Variants in LIX1L observed in about 807,000 individuals in gnomAD.
LIX1L encodes LIX1-like protein.
Under a neutral mutation model 34.0 loss-of-function variants are expected in LIX1L, and 20 were observed. That is an observed-to-expected ratio of 0.59 (90% CI 0.41 to 0.85). The LOEUF (loss-of-function observed/expected upper bound fraction) is 0.85. Among genes scored for constraint, LIX1L ranks in the 40% least tolerant of loss-of-function variants. LIX1L has a pLI of 0.00. For synonymous variants in LIX1L, 170 were observed against 187.4 expected (o/e 0.91, Z 0.76); for missense variants, 397 against 447.0 (o/e 0.89, Z 1.01).
At position 145,939,618 on chromosome 1, in the gene LIX1L, T is replaced by C. The variant is rs954652991; in HGVS notation, c.598-1919A>G. ...CTCAGCGCCCAGCCAGGAACCATAA[T>C]TGCTTTCTTTTTTCTTTTTCTTTTT... On this transcript the variant is annotated intron_variant, in intron 3 of 5. Coordinates refer to ENST00000604000, the MANE Select transcript of LIX1L (RefSeq NM_153713.3). Among the ~76,000 whole-genome samples, 91 of 151,536 alleles carry C rather than the reference T, an allele frequency of 6.0e-4. No homozygotes were observed. The Middle Eastern group carries it at 0.01, about 17-fold the overall frequency.
Position 145,936,300 on chromosome 1 carries a change from G to A in LIX1L, c.*10C>T, listed in dbSNP as rs2101891265. 2 of 1,613,394 alleles carry A rather than the reference G, an allele frequency of 1.2e-6. No individual in the cohort carries two copies. Among genetic ancestry groups the A allele is most frequent in the East Asian group, 4.5e-5 (2 of 44,880 alleles). On this transcript the variant is annotated 3_prime_UTR_variant, in exon 6 of 6. Transcript: ENST00000604000. The stretch of plus-strand genomic sequence containing the variant: ...CTGTGGAAAGCCTGGGGAGTTATGT[G>A]GGTGGATGCCTAGCAGTTGGAAGAA...
chr1:145,945,568 G>A (rs782336495), intron 2 of LIX1L, among the ~76,000 whole-genome samples: 60 of 151,488 alleles, frequency 4.0e-4, no homozygotes, highest in Non-Finnish European at 6.3e-4. Flanking sequence ...CCAACATGGC[G>A]AAACCCCATC....
chr1:145,957,641 C>T lies in LIX1L; in HGVS notation c.287G>A (p.Gly96Asp). The T allele has an allele frequency of 6.5e-7, 1 of 1,539,418 alleles. No individual in the cohort carries two copies. Among genetic ancestry groups the T allele is most frequent in the Non-Finnish European group, 8.7e-7 (1 of 1,148,148 alleles). ...GGCCAGACCCGCAGACTCACCTCGG[C>T]CATAGCCCTGCGTGTGCTTGGCGAA... ...RSFAKHTQGY[G>D]RVNVVEALQE... The change falls in exon 1 of 6, where the codon GGC becomes GAC. Residue 96 changes from glycine to aspartate, a missense_variant. Gly to Asp is a moderately conservative substitution (Grantham distance 94, BLOSUM62 -1). Coordinates refer to ENST00000604000, the MANE Select transcript of LIX1L (RefSeq NM_153713.3).
chr1:145,937,715 C>T lies in LIX1L; in HGVS notation c.598-16G>A. On this transcript the variant is annotated splice_polypyrimidine_tract_variant and intron_variant, in intron 3 of 5. Coordinates refer to ENST00000604000, the MANE Select transcript of LIX1L (RefSeq NM_153713.3). ...CCCTGTTGCCCTGGTAGTAGAGGAA[C>T]AGAAAAGACAAATAGATTTTCAACC... 1.4e-6 allele frequency: 2 copies of T among 1,460,496 alleles called. No individual in the cohort carries two copies. Among genetic ancestry groups the T allele is most frequent in the Non-Finnish European group, 1.9e-6 (2 of 1,039,908 alleles). The allele number at this position is 1,460,496 out of a possible 1,614,324, so 90.5% of individuals were successfully genotyped here.
At position 145,947,703 on chromosome 1, in the gene LIX1L, C is replaced by T. The variant is rs781876078; in HGVS notation, c.372G>A (p.Val124=). Residue 124 remains valine, a synonymous_variant, in exon 2 of 6, where the codon GTG becomes GTA. Transcript: ENST00000604000. The part of the protein sequence containing the change: ...RGADLKNGAL[V]VYEMVPSNSP... ...TGTTGGAGGGAACCATCTCATAAAC[C>T]ACTAGAGCCCCATTCTTTAAGTCAG... 1.9e-6 allele frequency: 3 copies of T among 1,614,116 alleles called. No homozygotes were observed. The highest frequency in any genetic ancestry group is 1.1e-5 in the South Asian group (1 of 91,074).
At chr1:145,938,716 T>G (rs1427149267) in intron 3 of LIX1L, among the ~76,000 whole-genome samples, 1 of 151,708 alleles carries the variant, frequency 6.6e-6, no homozygotes, top group African/African-American at 2.4e-5. Flanking sequence ...GCCTGCAGAG[T>G]AGCTAGGACT....
chr1:145,942,535 G>C (rs1319844396), intron 3 of LIX1L, among the ~76,000 whole-genome samples, 178 bp downstream of exon 3: 2 of 152,156 alleles, frequency 1.3e-5, no homozygotes, highest in African/African-American at 4.8e-5. Flanking sequence ...CAGAACTAGA[G>C]ACTGCGACAG....
In LIX1L at chr1:145,957,778, T is replaced by A; in HGVS notation, c.150A>T (p.Ala50=). The part of the protein sequence containing the change: ...AGPPPAPPPP[A]PPPPPLLLSG... ...ACAGGAGCAGCGGCGGCGGGGGCGG[T>A]GCGGGAGGCGGCGGGGCAGGCGGGG... Residue 50 remains alanine, a synonymous_variant, in exon 1 of 6, where the codon GCA becomes GCT. Coordinates refer to ENST00000604000, the MANE Select transcript of LIX1L (RefSeq NM_153713.3). 2 of 1,345,984 alleles carry A rather than the reference T, an allele frequency of 1.5e-6. No individual in the cohort carries two copies. The highest frequency in any genetic ancestry group is 1.9e-6 in the Non-Finnish European group (2 of 1,056,852). 83.4% of individuals were successfully genotyped at this position (1,345,984 alleles called of 1,614,324 possible).
Position 145,947,702 on chromosome 1 carries a change from C to T in LIX1L, c.373G>A (p.Val125Ile). The part of the protein sequence containing the change: ...GADLKNGALV[V>I]YEMVPSNSPP... The stretch of plus-strand genomic sequence containing the variant: ...CTGTTGGAGGGAACCATCTCATAAA[C>T]CACTAGAGCCCCATTCTTTAAGTCA... The change falls in exon 2 of 6, where the codon GTT becomes ATT. Residue 125 changes from valine (V) to isoleucine (I), a missense_variant. Around this residue, in one of 3 missense-constraint regions of LIX1L, gnomAD observed 207 missense variants for 205.2 expected, o/e 1.01. Coordinates refer to ENST00000604000, the MANE Select transcript of LIX1L (RefSeq NM_153713.3). The T allele has an allele frequency of 1.2e-6, 2 of 1,614,160 alleles. No homozygotes were observed. The highest frequency in any genetic ancestry group is 2.2e-5 in the East Asian group (1 of 44,886).
chr1:145,955,746 T>A (rs1479524666), intron 1 of LIX1L, among the ~76,000 whole-genome samples: 2 of 152,080 alleles, frequency 1.3e-5, no homozygotes, highest in African/African-American at 2.4e-5. Context: ...TCAAGAATAA[T>A]GAGAAAGACT....
intron 2 of LIX1L, 169 bp downstream of exon 2, chr1:145,947,450 G>T: frequency 1.5e-6 from 1 of 669,116 alleles, no homozygotes; most frequent in Non-Finnish European, 2.6e-6. Flanking sequence ...TGCTACTGAG[G>T]TTCTACTATG....
rs1490071290 is a variant in LIX1L at position 145,957,990 on chromosome 1, A to T, written c.-63T>A. ...GCCTGCCGAGCTAACGGTCCCAACC[A>T]CCCCAGTCAGCTAGCGCCTGGGGAC... is the stretch of plus-strand genomic sequence containing the variant. On this transcript the variant is annotated 5_prime_UTR_variant, in exon 1 of 6. Coordinates refer to ENST00000604000, the MANE Select transcript of LIX1L (RefSeq NM_153713.3). 1 of 1,195,856 alleles carries T rather than the reference A, an allele frequency of 8.4e-7. No homozygotes were observed. The highest frequency in any genetic ancestry group is 1.1e-6 in the Non-Finnish European group (1 of 911,088). The allele number at this position is 1,195,856 out of a possible 1,614,324, so 74.1% of individuals were successfully genotyped here. A position where few individuals can be genotyped will look rare whatever the true frequency, so the allele number is the denominator to read the frequency against.
chr1:145,933,626 C>T lies in LIX1L; in HGVS notation c.*2684G>A, dbSNP rs587770665. ...TACGAGGGCAATTCTTCCCACAACTCACACCCCTTAATCCACACGTCCCAG... is the reference window on the plus strand; with the variant it reads ...TACGAGGGCAATTCTTCCCACAACTTACACCCCTTAATCCACACGTCCCAG... On this transcript the variant is annotated 3_prime_UTR_variant, in exon 6 of 6. Coordinates refer to ENST00000604000, the MANE Select transcript of LIX1L (RefSeq NM_153713.3). The T allele has an allele frequency of 6.6e-6, 1 of 152,270 alleles. No individual in the cohort carries two copies. The highest frequency in any genetic ancestry group is 1.5e-5 in the Non-Finnish European group (1 of 68,032). The allele number at this position is 152,270 out of a possible 1,614,324, so 9.4% of individuals were successfully genotyped here.
intron 1 of LIX1L, among the ~76,000 whole-genome samples, chr1:145,949,963 A>G (rs1559243261): frequency 6.6e-6 from 1 of 151,940 alleles, no homozygotes; most frequent in East Asian, 1.9e-4. Context: ...CCACAGGTGC[A>G]TGCCACCACG....
chr1:145,954,879 C>T (rs1199540321), intron 1 of LIX1L, among the ~76,000 whole-genome samples: 1 of 152,166 alleles, frequency 6.6e-6, no homozygotes, highest in Admixed American at 6.5e-5. Flanking sequence ...ACCCATTTTA[C>T]AAAAAGTAAG....
intron 1 of LIX1L, among the ~76,000 whole-genome samples, chr1:145,949,472 T>C (rs906899127): frequency 1.3e-5 from 2 of 152,084 alleles, no homozygotes; most frequent in Non-Finnish European, 2.9e-5. Context: ...ATTAAGACCA[T>C]ATGGCTATGA....
chr1:145,937,731 A>T, intron 3 of LIX1L, 32 bp from the exon 4 acceptor site: 1 of 1,289,724 alleles, frequency 7.8e-7, no homozygotes, highest in Non-Finnish European at 1.1e-6. Context: ...AGACAAATAG[A>T]TTTTCAACCA....
intron 1 of LIX1L, among the ~76,000 whole-genome samples, chr1:145,953,483 T>C (rs1298910668): frequency 6.6e-6 from 1 of 152,146 alleles, no homozygotes; most frequent in African/African-American, 2.4e-5. Flanking sequence ...AGTTCATCTA[T>C]TTCCTATTTC....
chr1:145,949,370 C>T (rs2101904378), intron 1 of LIX1L, among the ~76,000 whole-genome samples: 1 of 152,260 alleles, frequency 6.6e-6, no homozygotes, highest in South Asian at 2.1e-4. Flanking sequence ...ACTAGGAATT[C>T]ACTAGGCAAG....
Sources: gnomAD v4.1 joint callset for allele counts (sites outside exome capture counted in the v4.1 genomes callset) on GRCh38, gnomAD v4.1.1 for gene constraint, gnomAD v4.1.1 regional missense constraint, MANE v1.5 for transcripts, NCBI Gene and HGNC (gene_info 2026-07-23, HGNC 2026-07-21) for gene names.